Variants in DCAF8L2 observed in about 807,000 individuals in gnomAD.
DCAF8L2 encodes DDB1 and CUL4 associated factor 8 like 2, also known as DDB1- and CUL4-associated factor 8-like protein 2.
For missense variants in DCAF8L2, 430 were observed against 490.7 expected, an observed-to-expected ratio of 0.88 and a Z score of 1.17; for synonymous variants, 200 against 190.9, an observed-to-expected ratio of 1.05 and a Z score of -0.39.
chrX:27,640,066 C>G (rs929569989), intron 2 of DCAF8L2, among the ~76,000 whole-genome samples: 9 of 111,408 alleles, frequency 8.1e-5, no homozygotes, highest in Non-Finnish European at 1.7e-4. Flanking sequence ...AGGTATATCT[C>G]CTAATGCTAT....
At chrX:27,586,403 A>C (rs221356), upstream of DCAF8L2, among the ~76,000 whole-genome samples, 1 of 109,925 alleles carries the variant, frequency 9.1e-6, no homozygotes, top group Non-Finnish European at 1.9e-5. Flanking sequence ...CATAGTATTA[A>C]GTTGATGCGA....
At chrX:27,595,987 C>G (rs1292283222) in intron 1 of DCAF8L2, among the ~76,000 whole-genome samples, 3 of 111,788 alleles carry the variant, frequency 2.7e-5, no homozygotes, top group Non-Finnish European at 3.8e-5. Context: ...TGAGATTGTG[C>G]CATGGCACCC....
At chrX:27,572,375 G>A in the DCAF8L2 span, among the ~76,000 whole-genome samples, 5 of 111,712 alleles carry the variant, frequency 4.5e-5, no homozygotes, top group Admixed American at 2.9e-4. Flanking sequence ...GGGCAATTTC[G>A]TCTCTTTATG....
chrX:27,726,978 GATACTGC>G (rs1569194327), intron 4 of DCAF8L2, among the ~76,000 whole-genome samples: 1 of 111,824 alleles, frequency 8.9e-6, no homozygotes, highest in Non-Finnish European at 1.9e-5. Context: ...AAGTTTAATA[GATACTGC>G]CAAGCAATAT....
At chrX:27,696,739 T>C (rs1476711451) in intron 3 of DCAF8L2, among the ~76,000 whole-genome samples, 1 of 110,637 alleles carries the variant, frequency 9.0e-6, no homozygotes, top group Non-Finnish European at 1.9e-5. Context: ...AGCCTCTTCC[T>C]GTCAAGTGCA....
At chrX:27,720,620 GCCTCGGCCTCCCAAAGT>G (rs1931869348) in intron 4 of DCAF8L2, among the ~76,000 whole-genome samples, 1 of 111,291 alleles carries the variant, frequency 9.0e-6, no homozygotes, top group East Asian at 2.8e-4. Context: ...TGACCCACCC[GCCTCGGCCTCCCAAAGT>G]GCTGGGATTT....
At chrX:27,568,797 A>T in the DCAF8L2 span, among the ~76,000 whole-genome samples, 2 of 108,028 alleles carry the variant, frequency 1.9e-5, no homozygotes, top group African/African-American at 6.8e-5. Flanking sequence ...CATTAGGTAT[A>T]TCTCCTAATG....
the DCAF8L2 span, among the ~76,000 whole-genome samples, chrX:27,548,488 G>A: frequency 9.0e-6 from 1 of 111,661 alleles, no homozygotes; most frequent in Admixed American, 9.6e-5. Context: ...ATAATCAAAA[G>A]GTTCAGGATC....
intron 1 of DCAF8L2, among the ~76,000 whole-genome samples, chrX:27,630,327 G>A (rs1928231567): frequency 9.0e-6 from 1 of 111,509 alleles, no homozygotes; most frequent in South Asian, 3.8e-4. Flanking sequence ...TTATGAAGAC[G>A]TAAAAATCTT....
the DCAF8L2 span, among the ~76,000 whole-genome samples, chrX:27,574,241 G>T: frequency 9.0e-6 from 1 of 110,929 alleles, no homozygotes; most frequent in East Asian, 2.8e-4. Flanking sequence ...GTTACATATC[G>T]ACAGTACAGG....
chrX:27,494,485 T>C, the DCAF8L2 span, among the ~76,000 whole-genome samples: 1 of 112,389 alleles, frequency 8.9e-6, no homozygotes. Flanking sequence ...TGTTTAATAG[T>C]TTAATATCTT....
chrX:27,703,160 G>T (rs754811985), intron 3 of DCAF8L2, among the ~76,000 whole-genome samples: 1 of 111,285 alleles, frequency 9.0e-6, no homozygotes. Context: ...ATTGTACACA[G>T]AATATTGCAA....
At chrX:27,704,614 G>A (rs1931280544) in intron 3 of DCAF8L2, among the ~76,000 whole-genome samples, 1 of 109,898 alleles carries the variant, frequency 9.1e-6, no homozygotes, top group Non-Finnish European at 1.9e-5. Context: ...TTATAGTTGA[G>A]TATTTTATTG....
At chrX:27,634,993 G>A (rs781458225) in intron 2 of DCAF8L2, among the ~76,000 whole-genome samples, 1 of 100,603 alleles carries the variant, frequency 9.9e-6, no homozygotes, top group Middle Eastern at 4.7e-3. Flanking sequence ...CATATATAGA[G>A]AGAGAGAGAG....
the DCAF8L2 span, among the ~76,000 whole-genome samples, chrX:27,485,059 T>C: frequency 9.0e-6 from 1 of 111,729 alleles, no homozygotes; most frequent in Non-Finnish European, 1.9e-5. Flanking sequence ...TTGAAATTAT[T>C]GTGTAGAACC....
the DCAF8L2 span, among the ~76,000 whole-genome samples, chrX:27,550,876 G>A: frequency 1.8e-3 from 194 of 110,792 alleles, no homozygotes; most frequent in African/African-American, 6.0e-3. Flanking sequence ...CAAGCCTATT[G>A]GAGCCATTTT....
At chrX:27,541,347 A>AT in the DCAF8L2 span, among the ~76,000 whole-genome samples, 4 of 90,897 alleles carry the variant, frequency 4.4e-5, no homozygotes, top group East Asian at 3.2e-4. Context: ...TTTTTATTTT[A>AT]TTTATTTATT....
the DCAF8L2 span, among the ~76,000 whole-genome samples, chrX:27,479,814 C>G: frequency 8.9e-6 from 1 of 112,171 alleles, no homozygotes; most frequent in African/African-American, 3.2e-5. Context: ...TCCCCTTTCA[C>G]TATACGACAG....
intron 1 of DCAF8L2, among the ~76,000 whole-genome samples, chrX:27,616,363 T>C (rs1046818880): frequency 1.8e-5 from 2 of 111,028 alleles, no homozygotes; most frequent in Admixed American, 1.9e-4. Context: ...GTCATAATGT[T>C]ATTATAATAA....
Sources: allele counts gnomAD v4.1 joint callset (sites outside exome capture counted in the v4.1 genomes callset), GRCh38; gene constraint gnomAD v4.1.1; transcripts MANE v1.5; gene names NCBI Gene and HGNC (gene_info 2026-07-23, HGNC 2026-07-21).